GNPDA2: variants seen among roughly 807,000 people sequenced by gnomAD.
The protein encoded by GNPDA2 is glucosamine-6-phosphate deaminase 2.
GNPDA2 carries 24 observed loss-of-function variants against 27.0 expected under a neutral mutation model. That is an observed-to-expected ratio of 0.89 (90% CI 0.64 to 1.25). The LOEUF is 1.25. GNPDA2 is among the 50% of genes most tolerant of loss of function. The pLI is 0.00. For missense variants in GNPDA2, 286 were observed against 335.1 expected (o/e 0.85, Z 1.14); for synonymous variants, 94 against 108.4 (o/e 0.87, Z 0.83).
chr4:44,705,880 ATAAG>A (rs1716571119), intron 6 of GNPDA2: 1 of 151,968 alleles, frequency 6.6e-6, no homozygotes, highest in African/African-American at 2.4e-5. Flanking sequence ...CATTTTTGTG[ATAAG>A]TAAATCAATA....
intron 2 of GNPDA2, among the ~76,000 whole-genome samples, chr4:44,719,870 ACC>A (rs1159457043): frequency 1.3e-5 from 2 of 152,148 alleles, no homozygotes; most frequent in Non-Finnish European, 2.9e-5. Context: ...TTTAGCAAGT[ACC>A]TACTATGATT....
At chr4:44,704,791 T>G (rs2109690142) in intron 6 of GNPDA2, 1 of 984,036 alleles carries the variant, frequency 1.0e-6, no homozygotes, top group Non-Finnish European at 1.2e-6. Flanking sequence ...CTTTTATGGT[T>G]TTGACTCAAA....
rs1716293606 is a variant in GNPDA2 at position 44,701,967 on chromosome 4, C to T, written c.*1114G>A. 5.1e-6 allele frequency: 5 copies of T among 985,032 alleles called. No homozygotes were observed. The South Asian group carries it at 1.9e-4, about 37-fold the overall frequency. The allele number at this position is 985,032 out of a possible 1,614,324, so 61.0% of individuals were successfully genotyped here. A position where few individuals can be genotyped will look rare whatever the true frequency, so the allele number is the denominator to read the frequency against. ...AGTAAGGCTTCTTCTACCAGGTGGGCTTATGAAATGCAAAATAAGCAAAAG... is the reference window on the plus strand; with the variant it reads ...AGTAAGGCTTCTTCTACCAGGTGGGTTTATGAAATGCAAAATAAGCAAAAG... On this transcript the variant is annotated 3_prime_UTR_variant, in exon 7 of 7. Transcript: ENST00000295448.
At position 44,702,337 on chromosome 4, in the gene GNPDA2, A is replaced by G. The variant is rs1716324572; in HGVS notation, c.*744T>C. The stretch of plus-strand genomic sequence containing the variant: ...TAACAATAATCAGAAAATATTCTCC[A>G]AAAGAATTTCCTGAAGTGGCTTGCT... On this transcript the variant is annotated 3_prime_UTR_variant, in exon 7 of 7. Transcript: ENST00000295448. 1 of 798,216 alleles carries G rather than the reference A, an allele frequency of 1.3e-6. No individual in the cohort carries two copies. The highest frequency in any genetic ancestry group is 5.7e-5 in the South Asian group (1 of 17,460). 49.4% of individuals were successfully genotyped at this position (798,216 alleles called of 1,614,324 possible). A position where few individuals can be genotyped will look rare whatever the true frequency, so the allele number is the denominator to read the frequency against.
rs1003373115 is a variant in GNPDA2 at position 44,718,232 on chromosome 4, G to C, written c.226+77C>G. On this transcript the variant is annotated intron_variant, in intron 3 of 6. Coordinates refer to ENST00000295448, the MANE Select transcript of GNPDA2 (RefSeq NM_138335.3). The stretch of plus-strand genomic sequence containing the variant: ...TCAAAACATAAATTCAAATATACTT[G>C]TATTCTAAAACTACATTCATTTTAT... The C allele has an allele frequency of 2.5e-5, 14 of 568,814 alleles. No individual in the cohort carries two copies. The African/African-American group carries it at 2.8e-4, about 11-fold the overall frequency. 35.2% of individuals were successfully genotyped at this position (568,814 alleles called of 1,614,324 possible).
chr4:44,703,267 A>C, intron 6 of GNPDA2, 125 bp from the exon 7 acceptor site: 2 of 1,414,840 alleles, frequency 1.4e-6, no homozygotes, highest in Non-Finnish European at 1.8e-6. Flanking sequence ...TGATATAGTC[A>C]AGTTTATTGA....
intron 4 of GNPDA2, among the ~76,000 whole-genome samples, chr4:44,711,828 TACAC>T (rs5857973): frequency 6.7e-6 from 1 of 148,322 alleles, no homozygotes; most frequent in Non-Finnish European, 1.5e-5. Context: ...TATATATATA[TACAC>T]ATATACAACA....
chr4:44,720,802 A>G (rs1170125906), intron 2 of GNPDA2, among the ~76,000 whole-genome samples: 1 of 152,164 alleles, frequency 6.6e-6, no homozygotes, highest in Admixed American at 6.5e-5. Flanking sequence ...TATACTACCC[A>G]AAATAAAGCA....
chr4:44,714,628 GCA>G (rs1717168651), intron 4 of GNPDA2: 2 of 984,264 alleles, frequency 2.0e-6, no homozygotes, highest in South Asian at 9.4e-5. Flanking sequence ...ATCCCATTTG[GCA>G]CAGTTCTTAG....
chr4:44,721,735 A>G (rs1403361864), intron 2 of GNPDA2, among the ~76,000 whole-genome samples: 1 of 152,094 alleles, frequency 6.6e-6, no homozygotes, highest in Non-Finnish European at 1.5e-5. Flanking sequence ...TTAATGATTA[A>G]TAAGAAAGCC....
intron 4 of GNPDA2, among the ~76,000 whole-genome samples, chr4:44,713,376 A>G (rs192044274): frequency 2.6e-4 from 39 of 152,242 alleles, no homozygotes; most frequent in Middle Eastern, 3.4e-3. Flanking sequence ...ATGAGTTTCT[A>G]CTTCTGAGAT....
chr4:44,723,050 A>G (rs1034041664), intron 1 of GNPDA2, among the ~76,000 whole-genome samples: 2 of 152,198 alleles, frequency 1.3e-5, no homozygotes, highest in African/African-American at 4.8e-5. Flanking sequence ...TTTCTTGACA[A>G]AAAGCAATTT....
chr4:44,722,832 T>C (rs1254136173), intron 1 of GNPDA2, among the ~76,000 whole-genome samples: 2 of 152,116 alleles, frequency 1.3e-5, no homozygotes, highest in African/African-American at 4.8e-5. Context: ...CTTACAACCA[T>C]CTTGTGAAGT....
chr4:44,704,691 T>A, intron 6 of GNPDA2: 9 of 963,574 alleles, frequency 9.3e-6, no homozygotes, highest in Non-Finnish European at 1.1e-5. Context: ...CAGAAATAAT[T>A]CTTCTGATAA....
At chr4:44,707,659 T>C (rs1716692199) in intron 6 of GNPDA2, 93 bp downstream of exon 6, 2 of 1,092,114 alleles carry the variant, frequency 1.8e-6, no homozygotes, top group Non-Finnish European at 1.3e-6. Flanking sequence ...TTTCAATAGG[T>C]CACAGTGTGA....
At chr4:44,724,932 G>C (rs184757131) in intron 1 of GNPDA2, among the ~76,000 whole-genome samples, 17 of 152,210 alleles carry the variant, frequency 1.1e-4, no homozygotes, top group Non-Finnish European at 1.5e-4. Flanking sequence ...CAATTTTAGA[G>C]TTAAACCAAA....
At chr4:44,705,717 A>G (rs1716558920) in intron 6 of GNPDA2, 1 of 152,468 alleles carries the variant, frequency 6.6e-6, no homozygotes, top group Admixed American at 6.6e-5. Flanking sequence ...AGAATAGACA[A>G]AAGCCTGCAT....
rs1197066708 is a variant in GNPDA2 at position 44,703,107 on chromosome 4, G to C, written c.805C>G (p.Leu269Val). ...MHVHNKLVDPLFSMKDGN is the reference protein window; with the variant it reads ...MHVHNKLVDPVFSMKDGN ...CAGTTTCCATCTTTCATACTGAATA[G>C]TGGATCCACAAGTTTATTGTGCACA... is the stretch of plus-strand genomic sequence containing the variant. The change falls in exon 7 of 7, where the codon CTA (leucine) becomes GTA (valine). Residue 269 changes from leucine (L) to valine (V), a missense_variant. Physicochemically the swap from Leu to Val is conservative, Grantham distance 32. Coordinates refer to ENST00000295448, the MANE Select transcript of GNPDA2 (RefSeq NM_138335.3). 3 of 1,611,962 alleles carry C rather than the reference G, an allele frequency of 1.9e-6. No individual in the cohort carries two copies. The highest frequency in any genetic ancestry group is 2.2e-5 in the East Asian group (1 of 44,768).
At chr4:44,721,624 A>G (rs1717674339) in intron 2 of GNPDA2, among the ~76,000 whole-genome samples, 1 of 143,970 alleles carries the variant, frequency 6.9e-6, no homozygotes, top group African/African-American at 2.5e-5. Context: ...AAAGGCTAAT[A>G]AACATTATAT....
Sources: gnomAD v4.1 joint callset for allele counts (sites outside exome capture counted in the v4.1 genomes callset) on GRCh38, gnomAD v4.1.1 for gene constraint, MANE v1.5 for transcripts, NCBI Gene and HGNC (gene_info 2026-07-23, HGNC 2026-07-21) for gene names.